The following TSPEAR variants were observed in gnomAD, a reference collection of about 807,000 sequenced individuals.
The protein encoded by TSPEAR is thrombospondin-type laminin G domain and EAR repeat-containing protein.
In TSPEAR, 69 loss-of-function variants were observed where a neutral mutation model predicts 71.6. That is an observed-to-expected ratio of 0.96 (90% CI 0.79 to 1.18). The LOEUF (loss-of-function observed/expected upper bound fraction) is 1.18, where lower values mean the gene tolerates loss of function less well. TSPEAR is among the 50% of genes most tolerant of loss of function. The probability of loss-of-function intolerance (pLI) is 0.00; values close to 1 mark genes in which losing one functional copy is unlikely to be tolerated. For missense variants in TSPEAR, 971 were observed against 894.9 expected, an observed-to-expected ratio of 1.09 and a Z score of -1.09; for synonymous variants, 402 against 387.2, an observed-to-expected ratio of 1.04 and a Z score of -0.45.
chr21:44,646,059 A>G (rs1237966194), intron 1 of TSPEAR, among the ~76,000 whole-genome samples: 1 of 119,838 alleles, frequency 8.3e-6, no homozygotes, highest in Admixed American at 1.2e-4. Flanking sequence ...CAGGGGGCGG[A>G]GGTTGCAGTG....
chr21:44,705,533 AAG>A (rs781707228), intron 1 of TSPEAR, among the ~76,000 whole-genome samples: 27 of 152,228 alleles, frequency 1.8e-4, no homozygotes, highest in Non-Finnish European at 3.7e-4. Context: ...ATCCCTGAGA[AAG>A]AGAATGGGCA....
In TSPEAR at chr21:44,569,315, G is replaced by A. The variant is rs1455680991; in HGVS notation, c.83-1310C>T. On this transcript the variant is annotated intron_variant, in intron 1 of 11. Transcript: ENST00000323084. ...TAGAAAAACCGGATGTGATGCAGCC[G>A]TGCACGTCCGCAAGTGTGCACACAG... Among the ~76,000 whole-genome samples, 9 of 152,146 alleles carry A rather than the reference G, an allele frequency of 5.9e-5. 1 individual carries two copies. Among genetic ancestry groups the A allele is most frequent in the African/African-American group, 2.2e-4 (9 of 41,402 alleles).
intron 2 of TSPEAR, among the ~76,000 whole-genome samples, chr21:44,549,342 A>G (rs587682923): frequency 1.3e-5 from 2 of 152,314 alleles, no homozygotes; most frequent in South Asian, 4.1e-4. Flanking sequence ...TTTGAAGAGA[A>G]ACCTTGCCAT....
intron 6 of TSPEAR, among the ~76,000 whole-genome samples, 170 bp from the exon 7 acceptor site, chr21:44,527,688 G>T (rs1466654998): frequency 6.6e-6 from 1 of 152,258 alleles, no homozygotes; most frequent in Admixed American, 6.5e-5. Context: ...CTGTCAAAGG[G>T]AGGCCACTCA....
intron 1 of TSPEAR, among the ~76,000 whole-genome samples, chr21:44,652,378 C>T (rs587610665): frequency 3.0e-4 from 45 of 152,288 alleles, no homozygotes; most frequent in African/African-American, 8.7e-4. Context: ...TGGAACACTG[C>T]GGGGACCCAG....
At chr21:44,646,908 C>G (rs373664522) in intron 1 of TSPEAR, 77 of 1,613,758 alleles carry the variant, frequency 4.8e-5, no homozygotes, top group Non-Finnish European at 6.4e-5. Flanking sequence ...GTGTGCCCGT[C>G]TGCTGCAAGC....
chr21:44,558,590 G>C (rs781975369), intron 2 of TSPEAR: 1 of 1,611,806 alleles, frequency 6.2e-7, no homozygotes, highest in Non-Finnish European at 8.5e-7. Context: ...CCAGGGTCAG[G>C]CAGGGGGCCG....
intron 2 of TSPEAR, chr21:44,539,853 A>T: frequency 6.3e-7 from 1 of 1,578,046 alleles, no homozygotes; most frequent in Non-Finnish European, 8.6e-7. Flanking sequence ...ACGGGCACGC[A>T]GCAGGCCTGC....
intron 1 of TSPEAR, chr21:44,601,775 C>T: frequency 6.3e-7 from 1 of 1,577,460 alleles, no homozygotes; most frequent in South Asian, 1.2e-5. Context: ...GTGCTCACTG[C>T]CACCTGCACC....
rs375784538 is a variant in TSPEAR at position 44,666,533 on chromosome 21, C to T, written c.82+44900G>A. 768 of 1,612,810 alleles carry T rather than the reference C, an allele frequency of 4.8e-4. 14 individuals are homozygous for T. The South Asian group carries it at 7.0e-3, about 15-fold the overall frequency. The stretch of plus-strand genomic sequence containing the variant: ...GGCAGCACCCAGAGGACTGGCAGGA[C>T]GGAGCCGCATACACGACAGGCCTGC... On this transcript the variant is annotated intron_variant, in intron 1 of 11. Transcript: ENST00000323084.
chr21:44,692,877 A>T (rs1987178280), intron 1 of TSPEAR, among the ~76,000 whole-genome samples: 1 of 152,036 alleles, frequency 6.6e-6, no homozygotes, highest in African/African-American at 2.4e-5. Flanking sequence ...GCACATATGG[A>T]TTATAGGAAC....
chr21:44,622,884 C>T (rs587730076), intron 1 of TSPEAR, among the ~76,000 whole-genome samples: 9 of 152,236 alleles, frequency 5.9e-5, no homozygotes, highest in Middle Eastern at 3.4e-3. Context: ...CTCATGGGAG[C>T]GGATCTCTCA....
intron 1 of TSPEAR, chr21:44,591,733 C>T (rs1979873256): frequency 4.4e-6 from 7 of 1,596,082 alleles, no homozygotes; most frequent in African/African-American, 1.4e-5. Flanking sequence ...AGACTGCTGG[C>T]AGCATGAAGA....
rs1184550275 is a variant in TSPEAR, at chr21:44,558,417, C to T, written c.303+9368G>A. ...GACTGGCTTGCAGCAGACAGGCACG[C>T]AGCAGGCCTGCTGGCAGGGGGAGGA... On this transcript the variant is annotated intron_variant, in intron 2 of 11. Transcript: ENST00000323084. 1.9e-6 allele frequency: 3 copies of T among 1,613,928 alleles called. No individual in the cohort carries two copies. The African/African-American group carries it at 4.0e-5, about 22-fold the overall frequency.
At chr21:44,601,600 T>A (rs1980920455) in intron 1 of TSPEAR, 7 of 1,613,304 alleles carry the variant, frequency 4.3e-6, no homozygotes. Context: ...GCCCGTCCCC[T>A]CCTGCTGCGC....
At chr21:44,600,825 C>G in intron 1 of TSPEAR, 1 of 1,605,466 alleles carries the variant, frequency 6.2e-7, no homozygotes, top group Non-Finnish European at 8.5e-7. Context: ...GCCCCTGCTG[C>G]CGAGTGACCT....
chr21:44,580,002 A>C (rs1555924721), intron 1 of TSPEAR: 4 of 1,595,832 alleles, frequency 2.5e-6, no homozygotes, highest in South Asian at 1.1e-5. Flanking sequence ...GAAGCCCCAG[A>C]GCAGACGGGC....
In TSPEAR at chr21:44,509,259, A is replaced by G; in HGVS notation, c.1694T>C (p.Ile565Thr). 6.2e-7 allele frequency: 1 copy of G among 1,614,098 alleles called. No individual in the cohort carries two copies. The highest frequency in any genetic ancestry group is 8.5e-7 in the Non-Finnish European group (1 of 1,180,030). Residue 565 changes from isoleucine (I) to threonine (T), a missense_variant, in exon 10 of 12, where the codon ATC becomes ACC. Physicochemically the swap from Ile to Thr is moderately conservative, Grantham distance 89. Coordinates refer to ENST00000323084, the MANE Select transcript of TSPEAR (RefSeq NM_144991.3). Reference sequence around the variant, plus strand: ...CTGCGCGGTCACGTTCAGCTCGTAGATGACGGAGTTGATGACATAGGAATC... The same window carrying G: ...CTGCGCGGTCACGTTCAGCTCGTAGGTGACGGAGTTGATGACATAGGAATC... ...QNDSYVINSV[I>T]YELNVTAQAF...
chr21:44,562,096 C>A (rs1271035914), intron 2 of TSPEAR, among the ~76,000 whole-genome samples: 3 of 152,118 alleles, frequency 2.0e-5, no homozygotes, highest in African/African-American at 7.2e-5. Flanking sequence ...CATCTCAGCT[C>A]AAAAATTCCT....
Sources: gnomAD v4.1 joint callset for allele counts (sites outside exome capture counted in the v4.1 genomes callset) on GRCh38, gnomAD v4.1.1 for gene constraint, MANE v1.5 for transcripts, NCBI Gene and HGNC (gene_info 2026-07-23, HGNC 2026-07-21) for gene names.